The following EIF3F variants were observed in gnomAD, a reference collection of about 807,000 sequenced individuals.
EIF3F encodes the protein eukaryotic translation initiation factor 3 subunit F, also known as deubiquitinating enzyme eIF3f.
Under a neutral mutation model 36.0 loss-of-function variants are expected in EIF3F, and 8 were observed. That is an observed-to-expected ratio of 0.22 (90% confidence interval 0.13 to 0.40). EIF3F has a LOEUF of 0.40. Among genes scored for constraint, EIF3F ranks in the 10% least tolerant of loss-of-function variants. The pLI is 1.00. For missense variants in EIF3F, 430 were observed against 467.6 expected (o/e 0.92, Z 0.74); for synonymous variants, 184 against 188.5 (o/e 0.98, Z 0.19).
At chr11:7,993,883 CTATA>C (rs1229087978) in intron 4 of EIF3F, among the ~76,000 whole-genome samples, 2 of 151,678 alleles carry the variant, frequency 1.3e-5, no homozygotes, top group Non-Finnish European at 2.9e-5. Flanking sequence ...TAAGATCCAA[CTATA>C]TATATGTATA....
In EIF3F at chr11:7,999,555, A is replaced by T. The variant is rs1942196358; in HGVS notation, c.*3533A>T. On this transcript the variant is annotated 3_prime_UTR_variant, in exon 8 of 8. Transcript: ENST00000651655. Reference sequence around the variant, plus strand: ...AAATGTCTCCAAAAAATCCCTGCAGAGGGAAACTAGCCCTTCCAGATATAA... The same window carrying T: ...AAATGTCTCCAAAAAATCCCTGCAGTGGGAAACTAGCCCTTCCAGATATAA... 1 of 152,246 alleles carries T rather than the reference A, an allele frequency of 6.6e-6. No individual in the cohort carries two copies. Among genetic ancestry groups the T allele is most frequent in the Admixed American group, 6.5e-5 (1 of 15,280 alleles). The allele number at this position is 152,246 out of a possible 1,614,324, so 9.4% of individuals were successfully genotyped here.
At chr11:7,989,288 A>C (rs1942063443) in intron 1 of EIF3F, among the ~76,000 whole-genome samples, 1 of 152,230 alleles carries the variant, frequency 6.6e-6, no homozygotes, top group Non-Finnish European at 1.5e-5. Context: ...AAGCTCGCTA[A>C]AGCTATTTAA....
rs576840520 is a variant in EIF3F at position 7,999,701 on chromosome 11, C to G, written c.*3679C>G. On this transcript the variant is annotated 3_prime_UTR_variant, in exon 8 of 8. Coordinates refer to ENST00000651655, the MANE Select transcript of EIF3F (RefSeq NM_003754.3). ...GGTGAGGGTATGGAGAAAAGGGAAC[C>G]CTTTTACACTTGGTGTGAATGTAAA... 6.6e-6 allele frequency: 1 copy of G among 152,214 alleles called. No individual in the cohort carries two copies. The highest frequency in any genetic ancestry group is 1.5e-5 in the Non-Finnish European group (1 of 68,010). 9.4% of individuals were successfully genotyped at this position (152,214 alleles called of 1,614,324 possible).
At chr11:7,994,830 G>A in intron 5 of EIF3F, 152 bp from the exon 6 acceptor site, 1 of 1,128,394 alleles carries the variant, frequency 8.9e-7, no homozygotes, top group Non-Finnish European at 1.3e-6. Flanking sequence ...TAAGGGCACA[G>A]CAGGAAGTGT....
In EIF3F at chr11:7,995,318, C is replaced by G. The variant is rs146329203; in HGVS notation, c.947C>G (p.Pro316Arg). The G allele has an allele frequency of 1.7e-4, 274 of 1,613,942 alleles. 1 individual carries two copies. The highest frequency in any genetic ancestry group is 4.7e-4 in the South Asian group (43 of 91,078). The part of the protein sequence containing the change: ...RFLMSLVNQV[P>R]KIVPDDFETM... ...CTGATGAGCCTGGTTAACCAAGTAC[C>G]GAAAATAGTTCCCGATGACTTTGAG... Residue 316 changes from proline (P) to arginine (R), a missense_variant, in exon 7 of 8, where the codon CCG (proline) becomes CGG (arginine). By Grantham distance (103) the Pro-to-Arg change is moderately radical. Around this residue, in one of 2 missense-constraint regions of EIF3F, gnomAD observed 262 missense variants for 347.4 expected, o/e 0.75. Coordinates refer to ENST00000651655, the MANE Select transcript of EIF3F (RefSeq NM_003754.3).
rs1214505066 is a variant in EIF3F at position 8,001,316 on chromosome 11, TTG to T, written c.*5298_*5299del. 1 of 152,226 alleles carries T rather than the reference TTG, an allele frequency of 6.6e-6. No homozygotes were observed. The highest frequency in any genetic ancestry group is 2.4e-5 in the African/African-American group (1 of 41,458). 9.4% of individuals were successfully genotyped at this position (152,226 alleles called of 1,614,324 possible). Reference sequence around the variant, plus strand: ...TTGGTACAGCCCTCTCTATGTAATTTTGTGTTTGTCAAAATTACAAATATGCA... The same window carrying T: ...TTGGTACAGCCCTCTCTATGTAATTTTGTTTGTCAAAATTACAAATATGCA... On this transcript the variant is annotated 3_prime_UTR_variant, in exon 8 of 8. Transcript: ENST00000651655.
intron 7 of EIF3F, 177 bp from the exon 8 acceptor site, chr11:7,995,768 C>T: frequency 2.9e-6 from 2 of 679,316 alleles, no homozygotes; most frequent in South Asian, 3.5e-5. Flanking sequence ...ATAAGAAAGC[C>T]TTCTCAAGCA....
rs1401866586 is a variant in EIF3F at position 7,996,756 on chromosome 11, G to A, written c.*734G>A. On this transcript the variant is annotated 3_prime_UTR_variant, in exon 8 of 8. Transcript: ENST00000651655. ...TATCCTGGAGTTCCGCCTCGCCACT[G>A]TGTGTCTTAGAAATAAGTCATTATT... 2 of 152,154 alleles carry A rather than the reference G, an allele frequency of 1.3e-5. No individual in the cohort carries two copies. Among genetic ancestry groups the A allele is most frequent in the Non-Finnish European group, 2.9e-5 (2 of 68,032 alleles). The allele number at this position is 152,154 out of a possible 1,614,324, so 9.4% of individuals were successfully genotyped here. A position where few individuals can be genotyped will look rare whatever the true frequency, so the allele number is the denominator to read the frequency against.
intron 1 of EIF3F, chr11:7,988,025 C>T (rs1340629046): frequency 3.9e-6 from 1 of 254,214 alleles, no homozygotes. Flanking sequence ...TTACATTTTA[C>T]ATAAACAGCA....
Position 7,996,006 on chromosome 11 carries a change from A to G in EIF3F, c.1058A>G (p.Lys353Arg), listed in dbSNP as rs1942155912. Reference sequence around the variant, plus strand: ...CAGTCACAGATTGCACTCAATGAAAAACTTGTAAACCTGTGAATGGACCCC... The same window carrying G: ...CAGTCACAGATTGCACTCAATGAAAGACTTGTAAACCTGTGAATGGACCCC... ...LTQSQIALNE[K>R]LVNL Residue 353 changes from lysine (K) to arginine (R), a missense_variant, in exon 8 of 8, where the codon AAA (lysine) becomes AGA (arginine). Lys to Arg is a conservative substitution (Grantham distance 26). This residue lies in a region of EIF3F where 262 missense variants were observed against 347.4 expected (regional missense o/e 0.75). Coordinates refer to ENST00000651655, the MANE Select transcript of EIF3F (RefSeq NM_003754.3). 1 of 1,613,800 alleles carries G rather than the reference A, an allele frequency of 6.2e-7. No homozygotes were observed. Among genetic ancestry groups the G allele is most frequent in the Non-Finnish European group, 8.5e-7 (1 of 1,179,832 alleles).
At position 7,996,615 on chromosome 11, in the gene EIF3F, G is replaced by C. The variant is rs746882534; in HGVS notation, c.*593G>C. 1 of 152,474 alleles carries C rather than the reference G, an allele frequency of 6.6e-6. No individual in the cohort carries two copies. Among genetic ancestry groups the C allele is most frequent in the African/African-American group, 2.4e-5 (1 of 41,460 alleles). 9.4% of individuals were successfully genotyped at this position (152,474 alleles called of 1,614,324 possible). A position where few individuals can be genotyped will look rare whatever the true frequency, so the allele number is the denominator to read the frequency against. ...ATCTGTAACTCGAGGATAGAGCCTT[G>C]AGTTATACTGAGGTCTGCCAGTGGC... On this transcript the variant is annotated 3_prime_UTR_variant, in exon 8 of 8. Coordinates refer to ENST00000651655, the MANE Select transcript of EIF3F (RefSeq NM_003754.3).
Position 7,996,767 on chromosome 11 carries a change from A to G in EIF3F, c.*745A>G, listed in dbSNP as rs1429962706. On this transcript the variant is annotated 3_prime_UTR_variant, in exon 8 of 8. Transcript: ENST00000651655. ...TCCGCCTCGCCACTGTGTGTCTTAG[A>G]AATAAGTCATTATTCAAGAACTCAG... The G allele has an allele frequency of 6.6e-6, 1 of 152,202 alleles. No individual in the cohort carries two copies. Among genetic ancestry groups the G allele is most frequent in the African/African-American group, 2.4e-5 (1 of 41,454 alleles). 9.4% of individuals were successfully genotyped at this position (152,202 alleles called of 1,614,324 possible).
intron 1 of EIF3F, among the ~76,000 whole-genome samples, chr11:7,988,389 A>C (rs1942053340): frequency 6.6e-6 from 1 of 152,232 alleles, no homozygotes; most frequent in Admixed American, 6.5e-5. Flanking sequence ...ATTTGGACGC[A>C]AACAGTTGTA....
chr11:7,994,303 G>C (rs1483008660), intron 4 of EIF3F, 123 bp from the exon 5 acceptor site: 1 of 810,374 alleles, frequency 1.2e-6, no homozygotes, highest in Non-Finnish European at 2.0e-6. Context: ...GGTTCATTTG[G>C]TCCCACCCTT....
Position 7,994,936 on chromosome 11 carries a change from T to TA in EIF3F, c.746-45dup, listed in dbSNP as rs780497184. ...GGTGGGATGACTGAATTCTCTCTCT[T>TA]ACTGCCCACCACTGCCGCTGCCACC... On this transcript the variant is annotated intron_variant, in intron 5 of 7. Coordinates refer to ENST00000651655, the MANE Select transcript of EIF3F (RefSeq NM_003754.3). 44 of 1,604,828 alleles carry TA rather than the reference T, an allele frequency of 2.7e-5. No individual in the cohort carries two copies. The South Asian group carries it at 4.4e-4, about 16-fold the overall frequency.
rs554428962 is a variant in EIF3F, at chr11:7,997,112, T to G, written c.*1090T>G. On this transcript the variant is annotated 3_prime_UTR_variant, in exon 8 of 8. Coordinates refer to ENST00000651655, the MANE Select transcript of EIF3F (RefSeq NM_003754.3). ...CAGCCTGGAACTCAGTTCTGAGATATGTACCTCAGGAAATATAAGTTATGG... is the reference window on the plus strand; with the variant it reads ...CAGCCTGGAACTCAGTTCTGAGATAGGTACCTCAGGAAATATAAGTTATGG... The G allele has an allele frequency of 6.6e-6, 1 of 152,216 alleles. No individual in the cohort carries two copies. Among genetic ancestry groups the G allele is most frequent in the Non-Finnish European group, 1.5e-5 (1 of 68,038 alleles). The allele number at this position is 152,216 out of a possible 1,614,324, so 9.4% of individuals were successfully genotyped here. A position where few individuals can be genotyped will look rare whatever the true frequency, so the allele number is the denominator to read the frequency against.
rs1942213558 is a variant in EIF3F, at chr11:8,000,837, AAAAAACACAGCAATGTG to A, written c.*4816_*4832del. The A allele has an allele frequency of 6.6e-6, 1 of 152,204 alleles. No individual in the cohort carries two copies. Among genetic ancestry groups the A allele is most frequent in the African/African-American group, 2.4e-5 (1 of 41,452 alleles). 9.4% of individuals were successfully genotyped at this position (152,204 alleles called of 1,614,324 possible). A position where few individuals can be genotyped will look rare whatever the true frequency, so the allele number is the denominator to read the frequency against. On this transcript the variant is annotated 3_prime_UTR_variant, in exon 8 of 8. Transcript: ENST00000651655. ...GAAAAAAAAACCATAAATATGAGGGAAAAAACACAGCAATGTGTTTTTAATGATTTATGAGTGAGGAA... is the reference window on the plus strand; with the variant it reads ...GAAAAAAAAACCATAAATATGAGGGATTTTTAATGATTTATGAGTGAGGAA...
chr11:7,989,335 G>C (rs1288595245), intron 1 of EIF3F, among the ~76,000 whole-genome samples: 1 of 152,104 alleles, frequency 6.6e-6, no homozygotes, highest in Admixed American at 6.5e-5. Context: ...ATGCTTTAGC[G>C]CCCCAAATAT....
At chr11:7,995,628 A>G (rs1942151797) in intron 7 of EIF3F, 1 of 583,376 alleles carries the variant, frequency 1.7e-6, no homozygotes, top group African/African-American at 1.9e-5. Context: ...CGTGATGGAA[A>G]GAAACACTAA....
Sources: gnomAD v4.1 joint callset for allele counts (sites outside exome capture counted in the v4.1 genomes callset) on GRCh38, gnomAD v4.1.1 for gene constraint, gnomAD v4.1.1 regional missense constraint, MANE v1.5 for transcripts, NCBI Gene and HGNC (gene_info 2026-07-23, HGNC 2026-07-21) for gene names.